The following OCA2 variants were observed in gnomAD, a reference collection of about 807,000 sequenced individuals.
OCA2 encodes P protein.
A neutral mutation model predicts 100.2 loss-of-function variants in OCA2; 77 were observed. The ratio of observed to expected loss-of-function variants is 0.77; its 90% CI spans 0.64 to 0.93. The LOEUF (loss-of-function observed/expected upper bound fraction) is 0.93. OCA2 is among the 40% of genes least tolerant of loss of function. OCA2 has a pLI of 0.00. For missense variants in OCA2, 1,062 were observed against 1,089.1 expected, an observed-to-expected ratio of 0.98 and a Z score of 0.35; for synonymous variants, 432 against 439.2, an observed-to-expected ratio of 0.98 and a Z score of 0.21.
rs1567097980 is a variant in OCA2, at chr15:27,913,875, GAA to G, written c.2079+12250_2079+12251del. ...AGAAAGAAAGAAAGAAAGAAAGAAA[GAA>G]AGAAAGAAAGAAAGAAAGCAAGCAA... is the stretch of plus-strand genomic sequence containing the variant. On this transcript the variant is annotated intron_variant, in intron 19 of 23. Transcript: ENST00000354638. 1.6e-3 allele frequency among the ~76,000 whole-genome samples: 84 copies of G among 52,568 alleles called. 2 individuals carry two copies. Among genetic ancestry groups the G allele is most frequent in the African/African-American group, 7.9e-3 (81 of 10,236 alleles). The allele number at this position is 52,568 out of a possible 152,430, so 34.5% of individuals were successfully genotyped here.
chr15:27,861,231 G>T (rs1295506112), intron 21 of OCA2, among the ~76,000 whole-genome samples: 1 of 152,186 alleles, frequency 6.6e-6, no homozygotes, highest in Admixed American at 6.5e-5. Context: ...AGCCTCAGGG[G>T]CTTGAGCAAC....
chr15:28,027,287 A>G (rs2042782197), intron 4 of OCA2, among the ~76,000 whole-genome samples: 1 of 150,128 alleles, frequency 6.7e-6, no homozygotes, highest in African/African-American at 2.5e-5. Flanking sequence ...CTCCCCACCC[A>G]TTGCTCCCGT....
chr15:27,758,507 C>A (rs1276702185), intron 23 of OCA2, among the ~76,000 whole-genome samples: 1 of 152,094 alleles, frequency 6.6e-6, no homozygotes, highest in Non-Finnish European at 1.5e-5. Context: ...TCAACAGAAG[C>A]CAATACTGAG....
At chr15:27,769,767 C>T (rs868811848) in intron 23 of OCA2, among the ~76,000 whole-genome samples, 8 of 152,364 alleles carry the variant, frequency 5.3e-5, no homozygotes, top group Admixed American at 1.3e-4. Flanking sequence ...CTTCTACTTC[C>T]GAAGGCCCAT....
At chr15:27,881,372 C>A (rs1020395239) in intron 19 of OCA2, among the ~76,000 whole-genome samples, 7 of 152,244 alleles carry the variant, frequency 4.6e-5, no homozygotes, top group African/African-American at 1.4e-4. Flanking sequence ...ATGATGCTGG[C>A]CTCATAAAAT....
chr15:27,743,810 C>T, the OCA2 span, among the ~76,000 whole-genome samples: 6 of 152,290 alleles, frequency 3.9e-5, no homozygotes, highest in South Asian at 4.1e-4. Flanking sequence ...CCTTGGCTTT[C>T]GGCAGCCTCC....
At chr15:28,037,148 A>T (rs548450308) in intron 2 of OCA2, among the ~76,000 whole-genome samples, 1 of 152,098 alleles carries the variant, frequency 6.6e-6, no homozygotes, top group African/African-American at 2.4e-5. Flanking sequence ...GGCATCAGCC[A>T]TGCAGAGCCG....
At chr15:27,969,949 T>G (rs957737138) in intron 14 of OCA2, among the ~76,000 whole-genome samples, 1 of 151,758 alleles carries the variant, frequency 6.6e-6, no homozygotes, top group African/African-American at 2.4e-5. Flanking sequence ...GCTGAATCTA[T>G]TGAATATTTT....
Position 27,922,680 on chromosome 15 carries a change from G to GTGTGTGT in OCA2, c.2079+3446_2079+3447insACACACA, listed in dbSNP as rs61038958. On this transcript the variant is annotated intron_variant, in intron 19 of 23. Coordinates refer to ENST00000354638, the MANE Select transcript of OCA2 (RefSeq NM_000275.3). The stretch of plus-strand genomic sequence containing the variant: ...ATAGCTTTTGTGGTTTTTTGTTTGG[G>GTGTGTGT]GTGTGTGTGTGTGTGTGTGTGTGTG... Among the ~76,000 whole-genome samples, 1,208 of 147,194 alleles carry GTGTGTGT rather than the reference G, an allele frequency of 8.2e-3. 20 individuals carry two copies. The highest frequency in any genetic ancestry group is 0.03 in the Admixed American group (430 of 14,506).
chr15:27,859,414 T>C (rs1251238153), intron 21 of OCA2, among the ~76,000 whole-genome samples: 2 of 152,100 alleles, frequency 1.3e-5, no homozygotes, highest in Non-Finnish European at 2.9e-5. Context: ...ACAAATTGTG[T>C]TAACTAAGTG....
chr15:27,805,365 G>C (rs939845451), intron 23 of OCA2, among the ~76,000 whole-genome samples: 19 of 152,268 alleles, frequency 1.2e-4, no homozygotes, highest in Non-Finnish European at 2.2e-4. Context: ...GCCTGGGCTG[G>C]GCTGCGAGGC....
At position 27,966,720 on chromosome 15, in the gene OCA2, G is replaced by C. The variant is rs1394413927; in HGVS notation, c.1606C>G (p.Leu536Val). The change falls in exon 15 of 24, where the codon CTT becomes GTT. Residue 536 changes from leucine to valine, a missense_variant. By Grantham distance (32) the Leu-to-Val change is conservative. Transcript: ENST00000354638. ...LLRLLYWNRK[L>V]YNKEPSEIVE... Reference sequence around the variant, plus strand: ...ATCTCACTGGGTTCCTTGTTATAAAGCTTTCTGTTCCAGTAAAGGAGTCTG... The same window carrying C: ...ATCTCACTGGGTTCCTTGTTATAAACCTTTCTGTTCCAGTAAAGGAGTCTG... The C allele has an allele frequency of 6.2e-7, 1 of 1,614,012 alleles. No individual in the cohort carries two copies. The highest frequency in any genetic ancestry group is 1.7e-5 in the Admixed American group (1 of 60,022).
intron 12 of OCA2, among the ~76,000 whole-genome samples, chr15:27,985,695 ATT>A (rs397958352): frequency 3.4e-5 from 5 of 145,320 alleles, no homozygotes; most frequent in Non-Finnish European, 4.6e-5. Flanking sequence ...TTGTTGAGTA[ATT>A]TTTTTTTTTT....
At chr15:27,874,059 C>T (rs1215631312) in intron 19 of OCA2, among the ~76,000 whole-genome samples, 1 of 152,232 alleles carries the variant, frequency 6.6e-6, no homozygotes, top group South Asian at 2.1e-4. Context: ...CCTTGTCCCA[C>T]TGAAATAAGC....
At chr15:27,819,304 T>C (rs997411950) in intron 23 of OCA2, among the ~76,000 whole-genome samples, 2 of 152,044 alleles carry the variant, frequency 1.3e-5, no homozygotes, top group African/African-American at 2.4e-5. Flanking sequence ...GAAAATATCA[T>C]ACAGAGACAG....
chr15:27,922,676 TTG>T (rs1491118242), intron 19 of OCA2, among the ~76,000 whole-genome samples: 1 of 144,962 alleles, frequency 6.9e-6, no homozygotes, highest in Non-Finnish European at 1.5e-5. Flanking sequence ...GGTTTTTTGT[TTG>T]GGGTGTGTGT....
At chr15:27,825,396 G>T (rs1351276131) in intron 23 of OCA2, among the ~76,000 whole-genome samples, 1 of 152,178 alleles carries the variant, frequency 6.6e-6, no homozygotes, top group Non-Finnish European at 1.5e-5. Context: ...GCTTGCCCCT[G>T]CTGGAACACA....
At chr15:27,884,366 C>A (rs1047977660) in intron 19 of OCA2, among the ~76,000 whole-genome samples, 1 of 152,078 alleles carries the variant, frequency 6.6e-6, no homozygotes, top group Non-Finnish European at 1.5e-5. Flanking sequence ...CAGGGTGAGA[C>A]CCTGTTTCAA....
intron 18 of OCA2, among the ~76,000 whole-genome samples, chr15:27,935,330 A>T (rs2039414314): frequency 6.6e-6 from 1 of 152,160 alleles, no homozygotes; most frequent in Non-Finnish European, 1.5e-5. Context: ...CCATTTCTCA[A>T]CTCAAAAAAT....
Sources: allele counts gnomAD v4.1 joint callset (sites outside exome capture counted in the v4.1 genomes callset), GRCh38; gene constraint gnomAD v4.1.1; transcripts MANE v1.5; gene names NCBI Gene and HGNC (gene_info 2026-07-23, HGNC 2026-07-21).